Variants in MAST4 observed in about 807,000 individuals in gnomAD.
MAST4 encodes microtubule associated serine/threonine kinase family member 4.
In MAST4, 89 loss-of-function variants were observed where a neutral mutation model predicts 162.7. The observed-to-expected ratio is 0.55, with a 90% CI of 0.46 to 0.65. The LOEUF (loss-of-function observed/expected upper bound fraction) is 0.65, where lower values mean the gene tolerates loss of function less well. MAST4 is among the 30% of genes least tolerant of loss of function. The probability of loss-of-function intolerance (pLI) is 0.00; values close to 1 mark genes in which losing one functional copy is unlikely to be tolerated. For synonymous variants in MAST4, 1,479 were observed against 1,361.1 expected (o/e 1.09, Z -1.91); for missense variants, 3,153 against 3,374.0 (o/e 0.93, Z 1.62).
intron 21 of MAST4, 120 bp from the exon 22 acceptor site, chr5:67,144,549 A>G (rs1770826680): frequency 2.0e-6 from 2 of 1,014,520 alleles, no homozygotes; most frequent in African/African-American, 1.6e-5. Context: ...TACTTTCTGA[A>G]TACACAATAT....
At chr5:67,028,277 A>G (rs959959636) in intron 4 of MAST4, among the ~76,000 whole-genome samples, 1 of 152,254 alleles carries the variant, frequency 6.6e-6, no homozygotes, top group African/African-American at 2.4e-5. Context: ...ACAACAATAC[A>G]AAACAAATAG....
chr5:67,137,679 A>T (rs1769839516), intron 19 of MAST4, among the ~76,000 whole-genome samples: 1 of 152,182 alleles, frequency 6.6e-6, no homozygotes, highest in South Asian at 2.1e-4. Context: ...CTGTGCTACT[A>T]GAGTTTATGA....
chr5:66,873,554 GCTTTA>G (rs1340373850), intron 3 of MAST4, among the ~76,000 whole-genome samples: 3 of 152,156 alleles, frequency 2.0e-5, no homozygotes, highest in African/African-American at 7.2e-5. Flanking sequence ...GAAATGTTTA[GCTTTA>G]CAATGGCAAT....
At chr5:66,902,548 G>T (rs1763076049) in intron 4 of MAST4, 3 of 275,626 alleles carry the variant, frequency 1.1e-5, no homozygotes, top group Non-Finnish European at 2.2e-5. Flanking sequence ...AAACTATTCT[G>T]TCTAGAAAAA....
chr5:67,047,884 TA>T (rs1360075566), intron 4 of MAST4, among the ~76,000 whole-genome samples: 1 of 152,184 alleles, frequency 6.6e-6, no homozygotes, highest in Admixed American at 6.6e-5. Flanking sequence ...TCCAGCCAGC[TA>T]CTAGGTGTGA....
At chr5:66,959,902 A>C (rs1185006093) in intron 4 of MAST4, among the ~76,000 whole-genome samples, 1 of 151,760 alleles carries the variant, frequency 6.6e-6, no homozygotes, top group Non-Finnish European at 1.5e-5. Flanking sequence ...CTGCCTTGTG[A>C]TGTGATGTAG....
At chr5:67,115,425 C>T (rs980951020) in intron 12 of MAST4, among the ~76,000 whole-genome samples, 5 of 152,216 alleles carry the variant, frequency 3.3e-5, no homozygotes, top group Non-Finnish European at 5.9e-5. Context: ...TCCTGTTTCC[C>T]GGCTTTGTTT....
At chr5:67,152,069 A>G (rs533328882) in intron 24 of MAST4, among the ~76,000 whole-genome samples, 6 of 152,282 alleles carry the variant, frequency 3.9e-5, no homozygotes, top group Admixed American at 3.3e-4. Flanking sequence ...ACACCCGGCC[A>G]GTTAAAATTC....
Position 67,144,487 on chromosome 5 carries a change from C to T in MAST4, c.2731-182C>T, listed in dbSNP as rs550166892. ...ACACACACACACACACACACACACA[C>T]TCACTCACCCTGACCCTTCCTCTCT... On this transcript the variant is annotated intron_variant, in intron 21 of 28. Transcript: ENST00000403625. Among the ~76,000 whole-genome samples, 815 of 151,568 alleles carry T rather than the reference C, an allele frequency of 5.4e-3. 7 individuals carry two copies. Among genetic ancestry groups the T allele is most frequent in the African/African-American group, 0.019 (782 of 41,244 alleles).
chr5:66,664,618 A>AT lies in MAST4; in HGVS notation c.363+67603dup, dbSNP rs150272475. 6.8e-3 allele frequency among the ~76,000 whole-genome samples: 1,029 copies of AT among 151,222 alleles called. 13 individuals carry two copies. Among genetic ancestry groups the AT allele is most frequent in the African/African-American group, 0.024 (987 of 41,122 alleles). On this transcript the variant is annotated intron_variant, in intron 1 of 28. Transcript: ENST00000403625. Reference sequence around the variant, plus strand: ...TGGGAATTATTAGCATAAAGAAGTTATTTAAAGCCACAAGACTGGATGAGG... The same window carrying AT: ...TGGGAATTATTAGCATAAAGAAGTTATTTTAAAGCCACAAGACTGGATGAGG...
intron 3 of MAST4, among the ~76,000 whole-genome samples, chr5:66,888,859 G>C (rs1323799142): frequency 6.6e-6 from 1 of 152,198 alleles, no homozygotes; most frequent in Admixed American, 6.5e-5. Flanking sequence ...TCTAGTTGCT[G>C]AGTTTTTATT....
intron 3 of MAST4, among the ~76,000 whole-genome samples, chr5:66,807,630 T>G (rs1756262437): frequency 6.6e-6 from 1 of 152,244 alleles, no homozygotes; most frequent in Admixed American, 6.5e-5. Flanking sequence ...ACATTTGATC[T>G]CTTCCCACTC....
At chr5:66,723,202 C>G (rs1751320995) in intron 1 of MAST4, among the ~76,000 whole-genome samples, 1 of 152,100 alleles carries the variant, frequency 6.6e-6, no homozygotes, top group South Asian at 2.1e-4. Flanking sequence ...AATCAGGAAT[C>G]TGTTAAGGTA....
intron 3 of MAST4, among the ~76,000 whole-genome samples, chr5:66,839,920 A>ATG (rs35351114): frequency 0.28 from 42,005 of 150,842 alleles, 6,155 homozygotes; most frequent in Non-Finnish European, 0.33. Flanking sequence ...TTCTTTGTGC[A>ATG]TGTGTGTGTG....
Position 66,796,630 on chromosome 5 carries a change from CTT to C in MAST4, c.642+7839_642+7840del, listed in dbSNP as rs200806127. 5.9e-3 allele frequency among the ~76,000 whole-genome samples: 904 copies of C among 152,266 alleles called. 9 individuals carry two copies. Among genetic ancestry groups the C allele is most frequent in the African/African-American group, 0.021 (864 of 41,540 alleles). On this transcript the variant is annotated intron_variant, in intron 3 of 28. Coordinates refer to ENST00000403625, the MANE Select transcript of MAST4 (RefSeq NM_001164664.2). Reference sequence around the variant, plus strand: ...TTTAAATAATAGAAACACATGCCCTCTTTTAATTGTTTACCATCACAGAGGGG... The same window carrying C: ...TTTAAATAATAGAAACACATGCCCTCTTAATTGTTTACCATCACAGAGGGG...
intron 1 of MAST4, among the ~76,000 whole-genome samples, chr5:66,718,163 G>C (rs1229667746): frequency 1.3e-5 from 2 of 149,800 alleles, no homozygotes; most frequent in Non-Finnish European, 3.0e-5. Context: ...AAAACCAGTG[G>C]GTTTTTTTTT....
chr5:66,824,878 T>C (rs1215253881), intron 3 of MAST4, among the ~76,000 whole-genome samples: 1 of 152,174 alleles, frequency 6.6e-6, no homozygotes, highest in African/African-American at 2.4e-5. Flanking sequence ...ATATAAAAGA[T>C]ATTTTATATC....
At chr5:67,054,377 A>G (rs1343545776) in intron 4 of MAST4, 27 bp from the exon 5 acceptor site, 1 of 1,564,732 alleles carries the variant, frequency 6.4e-7, no homozygotes, top group East Asian at 2.3e-5. Flanking sequence ...TTCTTTTTAA[A>G]CTTTGTTTTT....
At chr5:66,802,328 G>A (rs991887725) in intron 3 of MAST4, among the ~76,000 whole-genome samples, 1 of 152,112 alleles carries the variant, frequency 6.6e-6, no homozygotes, top group African/African-American at 2.4e-5. Flanking sequence ...TATTAAGTGA[G>A]CTGAGAACAT....
Sources: gnomAD v4.1 joint callset for allele counts (sites outside exome capture counted in the v4.1 genomes callset) on GRCh38, gnomAD v4.1.1 for gene constraint, MANE v1.5 for transcripts, NCBI Gene and HGNC (gene_info 2026-07-23, HGNC 2026-07-21) for gene names.